Variants in PNPLA3 observed in about 807,000 individuals in gnomAD.
PNPLA3 encodes patatin like domain 3, 1-acylglycerol-3-phosphate O-acyltransferase.
A neutral mutation model predicts 43.1 loss-of-function variants in PNPLA3; 42 were observed. That is an observed-to-expected ratio of 0.97 (90% confidence interval 0.76 to 1.26). The LOEUF is 1.26. PNPLA3 is among the 50% of genes most tolerant of loss of function. The pLI is 0.00. For synonymous variants in PNPLA3, 272 were observed against 253.6 expected, an observed-to-expected ratio of 1.07 and a Z score of -0.69; for missense variants, 647 against 621.4, an observed-to-expected ratio of 1.04 and a Z score of -0.44.
intron 7 of PNPLA3, among the ~76,000 whole-genome samples, chr22:43,940,679 C>T (rs763093290): frequency 7.3e-5 from 11 of 151,606 alleles, no homozygotes; most frequent in Admixed American, 1.3e-4. Flanking sequence ...CATGGTGGCA[C>T]GTGCCTGTAC....
rs1271951846 is a variant in PNPLA3 at position 43,934,682 on chromosome 22, G to A, written c.757+16G>A. 6.2e-7 allele frequency: 1 copy of A among 1,603,066 alleles called. No individual in the cohort carries two copies. The highest frequency in any genetic ancestry group is 1.7e-5 in the Admixed American group (1 of 60,016). Reference sequence around the variant, plus strand: ...GAAGAGAAGGGTATGTATGGGCTGGGAGGATCAGCCATGCCCTTTTGACAA... The same window carrying A: ...GAAGAGAAGGGTATGTATGGGCTGGAAGGATCAGCCATGCCCTTTTGACAA... On this transcript the variant is annotated intron_variant, in intron 5 of 8. Transcript: ENST00000216180.
chr22:43,933,086 A>C lies in PNPLA3; in HGVS notation c.695A>C (p.Lys232Thr). The change falls in exon 4 of 9, where the codon AAG becomes ACG. Residue 232 changes from lysine to threonine, a missense_variant and splice_region_variant. Coordinates refer to ENST00000216180, the MANE Select transcript of PNPLA3 (RefSeq NM_025225.3). ...AGAGCTTTTGTCCCCCCGGATCTCA[A>C]GGTGAGTTGGTGGTGAGGGGGCAGG... ...LSRAFVPPDLKVLGEICLRGY... is the reference protein window; with the variant it reads ...LSRAFVPPDLTVLGEICLRGY... The C allele has an allele frequency of 6.2e-7, 1 of 1,613,286 alleles. No individual in the cohort carries two copies. The highest frequency in any genetic ancestry group is 8.5e-7 in the Non-Finnish European group (1 of 1,179,906).
At position 43,937,079 on chromosome 22, in the gene PNPLA3, G is replaced by T. The variant is rs896947071; in HGVS notation, c.786G>T (p.Leu262=). 6.2e-7 allele frequency: 1 copy of T among 1,613,838 alleles called. No homozygotes were observed. Among genetic ancestry groups the T allele is most frequent in the African/African-American group, 1.3e-5 (1 of 74,942 alleles). ...KGICNRPQPG[L]KSSSEGMDPE... is the part of the protein sequence containing the mutation. The stretch of plus-strand genomic sequence containing the variant: ...TCTGCAACAGGCCCCAGCCAGGCCT[G>T]AAGTCATCCTCAGAAGGGATGGATC... The change falls in exon 6 of 9, where the codon CTG becomes CTT. Residue 262 remains leucine (L), a synonymous_variant. Transcript: ENST00000216180.
At chr22:43,926,817 G>T (rs759436831) in intron 1 of PNPLA3, 118 bp from the exon 2 acceptor site, 312 of 793,210 alleles carry the variant, frequency 3.9e-4, no homozygotes, top group Non-Finnish European at 5.7e-4. Flanking sequence ...TCCCATAGTA[G>T]ACAGTACTGG....
In PNPLA3 at chr22:43,937,226, C is replaced by T; in HGVS notation, c.933C>T (p.Pro311=). The T allele has an allele frequency of 6.2e-7, 1 of 1,614,132 alleles. No homozygotes were observed. Among genetic ancestry groups the T allele is most frequent in the East Asian group, 2.2e-5 (1 of 44,884 alleles). Reference sequence around the variant, plus strand: ...ACCACCTGCGTCTCAGCATCCTGCCCTGGGATGAGAGCATCCTGGACACCC... The same window carrying T: ...ACCACCTGCGTCTCAGCATCCTGCCTTGGGATGAGAGCATCCTGGACACCC... ...LLDHLRLSIL[P]WDESILDTLS... is the part of the protein sequence containing the mutation. The change falls in exon 6 of 9, where the codon CCC becomes CCT. Residue 311 remains proline, a synonymous_variant. Coordinates refer to ENST00000216180, the MANE Select transcript of PNPLA3 (RefSeq NM_025225.3).
chr22:43,927,298 A>G, intron 2 of PNPLA3, 131 bp downstream of exon 2: 1 of 716,846 alleles, frequency 1.4e-6, no homozygotes, highest in Non-Finnish European at 2.4e-6. Context: ...CAGGAGCTCG[A>G]GACCAACATG....
Position 43,939,853 on chromosome 22 carries a change from C to T in PNPLA3, c.980-140C>T, listed in dbSNP as rs2050019830. On this transcript the variant is annotated intron_variant, in intron 6 of 8. Coordinates refer to ENST00000216180, the MANE Select transcript of PNPLA3 (RefSeq NM_025225.3). ...GAAAGGAGCAGCTTGGCAAACCCCA[C>T]CTTGTCGCTTTTGTGAGTGCCTCTG... 12 of 1,186,952 alleles carry T rather than the reference C, an allele frequency of 1.0e-5. No individual in the cohort carries two copies. The South Asian group carries it at 1.1e-4, about 11-fold the overall frequency. The allele number at this position is 1,186,952 out of a possible 1,614,324, so 73.5% of individuals were successfully genotyped here.
chr22:43,934,316 TAAAA>T (rs3083286), intron 4 of PNPLA3, among the ~76,000 whole-genome samples: 2 of 118,096 alleles, frequency 1.7e-5, no homozygotes, highest in Non-Finnish European at 3.4e-5. Context: ...GACTCTGCCT[TAAAA>T]AAAAAAAAAA....
intron 4 of PNPLA3, 63 bp downstream of exon 4, chr22:43,933,150 C>A: frequency 2.1e-6 from 3 of 1,424,702 alleles, no homozygotes; most frequent in Non-Finnish European, 3.0e-6. Flanking sequence ...CCCTGATTGC[C>A]AGGAGCTACC....
intron 7 of PNPLA3, 100 bp from the exon 8 acceptor site, chr22:43,944,591 A>T (rs2050051136): frequency 1.1e-6 from 1 of 917,580 alleles, no homozygotes; most frequent in Non-Finnish European, 1.8e-6. Context: ...AAGTCATCAG[A>T]TTGGAGGTGA....
intron 2 of PNPLA3, among the ~76,000 whole-genome samples, chr22:43,927,821 C>CTGG (rs2049935050): frequency 2.6e-5 from 4 of 152,188 alleles, no homozygotes; most frequent in Admixed American, 6.5e-5. Context: ...GTTGCCCAGG[C>CTGG]TGGTCCCAAA....
chr22:43,927,238 C>A, intron 2 of PNPLA3, 71 bp downstream of exon 2: 1 of 1,423,650 alleles, frequency 7.0e-7, no homozygotes. Context: ...GTGGCTCATG[C>A]CTGTCATCCC....
intron 3 of PNPLA3, among the ~76,000 whole-genome samples, chr22:43,931,680 T>C (rs1231680725): frequency 6.6e-6 from 1 of 152,152 alleles, no homozygotes; most frequent in East Asian, 1.9e-4. Context: ...CATGCCCAGC[T>C]AATTTTTGTA....
Position 43,946,270 on chromosome 22 carries a change from C to A in PNPLA3, c.1334C>A (p.Thr445Asn), listed in dbSNP as rs141084368. The A allele has an allele frequency of 3.1e-6, 5 of 1,614,028 alleles. No individual in the cohort carries two copies. Among genetic ancestry groups the A allele is most frequent in the Admixed American group, 1.7e-5 (1 of 59,996 alleles). ...GCPAETKAEATPRSILRSSLN... is the reference protein window; with the variant it reads ...GCPAETKAEANPRSILRSSLN... ...CCAGCAGAGACCAAAGCAGAGGCCA[C>A]CCCGCGGTCCATCCTCAGGTCCAGC... The change falls in exon 9 of 9, where the codon ACC (threonine) becomes AAC (asparagine). Residue 445 changes from threonine to asparagine, a missense_variant. By Grantham distance (65) the Thr-to-Asn change is moderately conservative. Transcript: ENST00000216180.
rs199525362 is a variant in PNPLA3 at position 43,940,082 on chromosome 22, C to T, written c.1069C>T (p.Pro357Ser). 5.6e-6 allele frequency: 9 copies of T among 1,614,122 alleles called. No individual in the cohort carries two copies. The East Asian group carries it at 1.6e-4, about 28-fold the overall frequency. ...TAGGATAATGTCTTATGTAATGCTG[C>T]CCTGTACCCTGCCTGTGGAATCTGC... ...PIRIMSYVML[P>S]CTLPVESAIA... The change falls in exon 7 of 9, where the codon CCC (proline) becomes TCC (serine). Residue 357 changes from proline (P) to serine (S), a missense_variant. Physicochemically the swap from Pro to Ser is moderately conservative, Grantham distance 74. Coordinates refer to ENST00000216180, the MANE Select transcript of PNPLA3 (RefSeq NM_025225.3).
Position 43,923,963 on chromosome 22 carries a change from C to T in PNPLA3, c.52C>T (p.Leu18=), listed in dbSNP as rs1271250988. 1 of 1,584,938 alleles carries T rather than the reference C, an allele frequency of 6.3e-7. No individual in the cohort carries two copies. Among genetic ancestry groups the T allele is most frequent in the Non-Finnish European group, 8.5e-7 (1 of 1,173,978 alleles). ...WSLSFAGCGF[L]GFYHVGATRC... is the part of the protein sequence containing the mutation. ...CTTGTCCTTCGCGGGCTGCGGCTTC[C>T]TGGGCTTCTACCACGTCGGGGCGAC... is the stretch of plus-strand genomic sequence containing the variant. Residue 18 remains leucine, a synonymous_variant, in exon 1 of 9, where the codon CTG becomes TTG. Transcript: ENST00000216180.
chr22:43,929,666 G>A (rs552699836), intron 3 of PNPLA3, among the ~76,000 whole-genome samples: 4 of 144,336 alleles, frequency 2.8e-5, no homozygotes, highest in African/African-American at 5.2e-5. Context: ...GTGCAATCTC[G>A]GCTCACTGCA....
intron 2 of PNPLA3, 40 bp from the exon 3 acceptor site, chr22:43,928,784 G>A (rs772428941): frequency 2.6e-6 from 4 of 1,556,064 alleles, no homozygotes; most frequent in Non-Finnish European, 3.5e-6. Flanking sequence ...AATTAAAAGG[G>A]TGCTCTCGCC....
At chr22:43,924,231 G>A in intron 1 of PNPLA3, 133 bp downstream of exon 1, 3 of 1,069,074 alleles carry the variant, frequency 2.8e-6, no homozygotes, top group African/African-American at 1.7e-5. Flanking sequence ...GGTGCATCCC[G>A]AGGGCCCCCT....
Sources: allele counts gnomAD v4.1 joint callset (sites outside exome capture counted in the v4.1 genomes callset), GRCh38; gene constraint gnomAD v4.1.1; transcripts MANE v1.5; gene names NCBI Gene and HGNC (gene_info 2026-07-23, HGNC 2026-07-21).